The following NKAIN2 variants were observed in gnomAD, a reference collection of about 807,000 sequenced individuals.
NKAIN2 encodes the protein sodium/potassium-transporting ATPase subunit beta-1-interacting protein 2.
In NKAIN2, 14 loss-of-function variants were observed where a neutral mutation model predicts 32.6. The observed-to-expected ratio is 0.43, with a 90% CI of 0.28 to 0.67. The LOEUF is 0.67. Among genes scored for constraint, NKAIN2 ranks in the 30% least tolerant of loss-of-function variants. The probability of loss-of-function intolerance (pLI) is 0.17; values close to 1 mark genes in which losing one functional copy is unlikely to be tolerated. For missense variants in NKAIN2, 198 were observed against 258.3 expected (o/e 0.77, Z 1.60); for synonymous variants, 80 against 87.2 (o/e 0.92, Z 0.46).
At chr6:123,908,926 G>A (rs1486528592) in intron 1 of NKAIN2, among the ~76,000 whole-genome samples, 1 of 152,068 alleles carries the variant, frequency 6.6e-6, no homozygotes, top group Non-Finnish European at 1.5e-5. Flanking sequence ...GCATATGTTA[G>A]CAATTCATTT....
At chr6:124,022,127 G>C (rs915647779) in intron 1 of NKAIN2, among the ~76,000 whole-genome samples, 1 of 145,240 alleles carries the variant, frequency 6.9e-6, no homozygotes, top group Non-Finnish European at 1.5e-5. Flanking sequence ...TCCCACCTAT[G>C]AGTGAGAACA....
chr6:124,214,443 A>G (rs994801380), intron 1 of NKAIN2, among the ~76,000 whole-genome samples: 2 of 152,194 alleles, frequency 1.3e-5, no homozygotes, highest in Non-Finnish European at 2.9e-5. Flanking sequence ...AAAATTCCTG[A>G]AAACTTACAA....
chr6:124,625,118 C>CCTGT (rs1783262842), intron 3 of NKAIN2, among the ~76,000 whole-genome samples: 2 of 141,466 alleles, frequency 1.4e-5, no homozygotes, highest in African/African-American at 4.9e-5. Context: ...GTGTTTGCCC[C>CCTGT]CTGTCTTCCT....
chr6:124,704,514 A>C (rs1774952829), intron 4 of NKAIN2, among the ~76,000 whole-genome samples: 1 of 152,074 alleles, frequency 6.6e-6, no homozygotes, highest in South Asian at 2.1e-4. Context: ...ATAATAAAAA[A>C]ACATGTTGGA....
intron 1 of NKAIN2, among the ~76,000 whole-genome samples, chr6:124,194,076 A>G (rs1447091505): frequency 6.6e-6 from 1 of 151,846 alleles, no homozygotes; most frequent in Non-Finnish European, 1.5e-5. Context: ...AGTGGGGAGG[A>G]CGTGCACTCC....
At chr6:124,761,525 T>A (rs1351132041) in intron 4 of NKAIN2, among the ~76,000 whole-genome samples, 2 of 152,204 alleles carry the variant, frequency 1.3e-5, no homozygotes, top group Non-Finnish European at 2.9e-5. Context: ...CCAGATTGCA[T>A]AATATTACAT....
chr6:124,761,345 A>G (rs1408190848), intron 4 of NKAIN2, among the ~76,000 whole-genome samples: 1 of 152,132 alleles, frequency 6.6e-6, no homozygotes, highest in Non-Finnish European at 1.5e-5. Flanking sequence ...TGATAACCCC[A>G]TTTATACTCA....
intron 3 of NKAIN2, among the ~76,000 whole-genome samples, chr6:124,364,657 GATGAA>G (rs1799442168): frequency 6.6e-6 from 1 of 151,700 alleles, no homozygotes; most frequent in African/African-American, 2.4e-5. Flanking sequence ...CAACAATTAA[GATGAA>G]ATGAAAGCAT....
chr6:124,197,315 T>G (rs934568749), intron 1 of NKAIN2, among the ~76,000 whole-genome samples: 43 of 152,070 alleles, frequency 2.8e-4, no homozygotes, highest in African/African-American at 9.7e-4. Flanking sequence ...CACTCTGTTT[T>G]CCTCCCACTT....
intron 4 of NKAIN2, among the ~76,000 whole-genome samples, chr6:124,664,294 AAAAG>A (rs991980808): frequency 4.5e-4 from 69 of 152,092 alleles, no homozygotes; most frequent in African/African-American, 1.5e-3. Context: ...AAAGAAAAAA[AAAAG>A]AAATTCATAT....
chr6:124,227,518 A>G (rs112302727), intron 1 of NKAIN2, among the ~76,000 whole-genome samples: 94 of 152,278 alleles, frequency 6.2e-4, no homozygotes, highest in African/African-American at 2.2e-3. Context: ...GCAGATTCAA[A>G]CACTCTTAAA....
intron 4 of NKAIN2, among the ~76,000 whole-genome samples, chr6:124,739,642 C>T (rs1314027625): frequency 1.3e-5 from 2 of 151,690 alleles, no homozygotes; most frequent in Non-Finnish European, 2.9e-5. Flanking sequence ...GGGTTGAGTG[C>T]ATGAAAAGGA....
intron 4 of NKAIN2, among the ~76,000 whole-genome samples, chr6:124,766,497 T>C (rs902759800): frequency 6.6e-6 from 1 of 152,184 alleles, no homozygotes; most frequent in Admixed American, 6.5e-5. Flanking sequence ...ATTGTTGTAT[T>C]TTGTGTAAAA....
intron 3 of NKAIN2, among the ~76,000 whole-genome samples, chr6:124,539,975 C>G: frequency 6.6e-6 from 1 of 152,212 alleles, no homozygotes; most frequent in East Asian, 1.9e-4. Flanking sequence ...CCCACCTCGG[C>G]CTCCCAAAGT....
intron 4 of NKAIN2, among the ~76,000 whole-genome samples, chr6:124,726,284 A>G (rs1267134048): frequency 5.3e-5 from 8 of 152,164 alleles, no homozygotes; most frequent in Non-Finnish European, 1.2e-4. Context: ...GACAGCAGTA[A>G]CCTCTGCAGA....
chr6:124,480,757 G>A (rs1777411267), intron 3 of NKAIN2, among the ~76,000 whole-genome samples: 1 of 151,892 alleles, frequency 6.6e-6, no homozygotes, highest in African/African-American at 2.4e-5. Flanking sequence ...TTTGCTATTT[G>A]TTGCCGTGTT....
At chr6:124,622,814 C>T (rs147604410) in intron 3 of NKAIN2, among the ~76,000 whole-genome samples, 5 of 152,250 alleles carry the variant, frequency 3.3e-5, no homozygotes, top group Middle Eastern at 3.4e-3. Flanking sequence ...CTCCTCTTCT[C>T]TCTTTCTCTG....
chr6:124,124,816 G>A (rs1786080069), intron 1 of NKAIN2, among the ~76,000 whole-genome samples: 2 of 152,170 alleles, frequency 1.3e-5, no homozygotes, highest in Non-Finnish European at 2.9e-5. Flanking sequence ...TGATGGATCT[G>A]AACTGTTCAT....
chr6:124,408,963 T>G (rs956630220), intron 3 of NKAIN2, among the ~76,000 whole-genome samples: 1 of 152,186 alleles, frequency 6.6e-6, no homozygotes, highest in Non-Finnish European at 1.5e-5. Flanking sequence ...GAAGCAATTG[T>G]GAATGGGAGT....
Sources: gnomAD v4.1 joint callset for allele counts (sites outside exome capture counted in the v4.1 genomes callset) on GRCh38, gnomAD v4.1.1 for gene constraint, MANE v1.5 for transcripts, NCBI Gene and HGNC (gene_info 2026-07-23, HGNC 2026-07-21) for gene names.